SLC6A11: variants seen among roughly 807,000 people sequenced by gnomAD.
SLC6A11 encodes the protein solute carrier family 6 member 11.
SLC6A11 carries 25 observed loss-of-function variants against 74.8 expected under a neutral mutation model. The ratio of observed to expected loss-of-function variants is 0.33; its 90% confidence interval spans 0.24 to 0.47. The LOEUF (loss-of-function observed/expected upper bound fraction) is 0.47. Among genes scored for constraint, SLC6A11 ranks in the 20% least tolerant of loss-of-function variants. SLC6A11 has a pLI of 1.00. For missense variants in SLC6A11, 574 were observed against 837.0 expected (o/e 0.69, Z 3.88); for synonymous variants, 330 against 330.2 (o/e 1.00, Z 0.01).
At chr3:10,906,040 C>T (rs1341009641) in intron 6 of SLC6A11, among the ~76,000 whole-genome samples, 3 of 152,166 alleles carry the variant, frequency 2.0e-5, no homozygotes, top group African/African-American at 4.8e-5. Flanking sequence ...GAACATCTCA[C>T]TTGATGTCTC....
At chr3:10,827,700 GT>G (rs1694232738) in intron 4 of SLC6A11, among the ~76,000 whole-genome samples, 1 of 152,174 alleles carries the variant, frequency 6.6e-6, no homozygotes, top group Non-Finnish European at 1.5e-5. Context: ...TTTAGGGGAA[GT>G]AAAGATGGAA....
At chr3:10,874,658 G>A (rs80351164) in intron 5 of SLC6A11, among the ~76,000 whole-genome samples, 4,543 of 152,160 alleles carry the variant, frequency 0.03, 115 homozygotes, top group East Asian at 0.11. Flanking sequence ...TATACCTCCT[G>A]ATTAGTGATG....
chr3:10,918,384 G>T lies in SLC6A11; in HGVS notation c.1051G>T (p.Ala351Ser), dbSNP rs1485778766. ...CGGCACCAGCTTCGTGGCTGGGTTT[G>T]CCATCTTCTCAGTCCTGGGTTTTAT... Reference protein sequence around the residue: ...NSGTSFVAGFAIFSVLGFMAY... With the variant: ...NSGTSFVAGFSIFSVLGFMAY... The change falls in exon 8 of 14, where the codon GCC becomes TCC. Residue 351 changes from alanine to serine, a missense_variant. Ala to Ser is a moderately conservative substitution (Grantham distance 99, BLOSUM62 1). This residue lies in a region of SLC6A11 where 16 missense variants were observed against 50.1 expected (regional missense o/e 0.32). Transcript: ENST00000254488. This position sits in a 1 kb window ranked among gnomAD's most constrained non-coding sequence, Gnocchi z 4.5. 10 of 1,609,174 alleles carry T rather than the reference G, an allele frequency of 6.2e-6. No individual in the cohort carries two copies. The Admixed American group carries it at 1.2e-4, about 19-fold the overall frequency.
In SLC6A11 at chr3:10,898,915, TC is replaced by T. The variant is rs1695203475; in HGVS notation, c.892-13173del. Among the ~76,000 whole-genome samples, 15 of 152,314 alleles carry T rather than the reference TC, an allele frequency of 9.8e-5. No homozygotes were observed. The South Asian group carries it at 3.1e-3, about 32-fold the overall frequency. On this transcript the variant is annotated intron_variant, in intron 6 of 13. Transcript: ENST00000254488. Reference sequence around the variant, plus strand: ...AAAGAGGTTTATTGGACTTAACAGTTCCATGTAGCTGGGGAAGCCTCACAAT... The same window carrying T: ...AAAGAGGTTTATTGGACTTAACAGTTCATGTAGCTGGGGAAGCCTCACAAT...
At chr3:10,898,159 T>C (rs1485608716) in intron 6 of SLC6A11, among the ~76,000 whole-genome samples, 2 of 152,108 alleles carry the variant, frequency 1.3e-5, no homozygotes, top group Non-Finnish European at 2.9e-5. Flanking sequence ...GACACCATTT[T>C]CTCCTAGGCC....
At chr3:10,934,255 C>T (rs1695729010) in intron 12 of SLC6A11, 89 bp downstream of exon 12, 1 of 900,864 alleles carries the variant, frequency 1.1e-6, no homozygotes. Flanking sequence ...CCCACCCTGG[C>T]CGAGGCTGGA....
chr3:10,852,232 A>G (rs1250561726), intron 5 of SLC6A11, among the ~76,000 whole-genome samples: 1 of 152,222 alleles, frequency 6.6e-6, no homozygotes, highest in African/African-American at 2.4e-5. Context: ...AGGAAACTAG[A>G]ACGTTCATGA....
intron 5 of SLC6A11, among the ~76,000 whole-genome samples, chr3:10,869,280 C>A (rs139012780): frequency 6.6e-6 from 1 of 152,080 alleles, no homozygotes; most frequent in Non-Finnish European, 1.5e-5. Context: ...TCAGGGAGGA[C>A]GGGGCAATTC....
intron 4 of SLC6A11, among the ~76,000 whole-genome samples, chr3:10,827,171 A>G (rs569606543): frequency 2.0e-5 from 3 of 152,362 alleles, no homozygotes; most frequent in East Asian, 3.9e-4. Flanking sequence ...TTTGAGCCAC[A>G]TAAGTTTGAG....
At chr3:10,878,325 T>C (rs1460827962) in intron 6 of SLC6A11, among the ~76,000 whole-genome samples, 1 of 151,926 alleles carries the variant, frequency 6.6e-6, no homozygotes, top group African/African-American at 2.4e-5. Context: ...TCACATATGC[T>C]GTTTCTCTGC....
intron 5 of SLC6A11, among the ~76,000 whole-genome samples, chr3:10,862,924 G>A (rs1247084254): frequency 3.9e-5 from 6 of 152,242 alleles, no homozygotes; most frequent in Non-Finnish European, 7.3e-5. Context: ...AGGCTCAGTG[G>A]ATGGATATGA....
At chr3:10,885,001 G>A (rs997824829) in intron 6 of SLC6A11, among the ~76,000 whole-genome samples, 5 of 151,964 alleles carry the variant, frequency 3.3e-5, no homozygotes, top group South Asian at 2.1e-4. Flanking sequence ...GGCACAAGTC[G>A]GCCTCCTCCG....
chr3:10,816,593 C>T lies in SLC6A11; in HGVS notation c.256+72C>T. ...GGGGGCGGGGAGCCAGGGGCGAGCG[C>T]GAGACCCCCTCCCGCGCCTGCGTGG... On this transcript the variant is annotated intron_variant, in intron 1 of 13. Coordinates refer to ENST00000254488, the MANE Select transcript of SLC6A11 (RefSeq NM_014229.3). The surrounding 1 kb of genome is among the most constrained non-coding windows in gnomAD (Gnocchi z 4.2). The T allele has an allele frequency of 1.4e-6, 2 of 1,403,978 alleles. No individual in the cohort carries two copies. Among genetic ancestry groups the T allele is most frequent in the South Asian group, 1.5e-5 (1 of 66,734 alleles). 87.0% of individuals were successfully genotyped at this position (1,403,978 alleles called of 1,614,324 possible). A position where few individuals can be genotyped will look rare whatever the true frequency, so the allele number is the denominator to read the frequency against.
chr3:10,841,671 T>C (rs1435267784), intron 4 of SLC6A11, among the ~76,000 whole-genome samples: 2 of 152,196 alleles, frequency 1.3e-5, no homozygotes, highest in Non-Finnish European at 2.9e-5. Flanking sequence ...GCATCCACAT[T>C]GTAGAAGAGA....
At chr3:10,906,128 G>A (rs1381072206) in intron 6 of SLC6A11, among the ~76,000 whole-genome samples, 3 of 152,000 alleles carry the variant, frequency 2.0e-5, no homozygotes, top group Non-Finnish European at 4.4e-5. Context: ...GGATCATCTA[G>A]TGTTGCACCC....
intron 4 of SLC6A11, among the ~76,000 whole-genome samples, chr3:10,842,191 T>C (rs550783975): frequency 1.5e-3 from 235 of 152,332 alleles, no homozygotes; most frequent in African/African-American, 5.4e-3. Context: ...GATCCATGAC[T>C]TCCTCCCTCA....
At chr3:10,868,237 G>T (rs942187687) in intron 5 of SLC6A11, among the ~76,000 whole-genome samples, 1 of 152,102 alleles carries the variant, frequency 6.6e-6, no homozygotes, top group Non-Finnish European at 1.5e-5. Context: ...GCCCCACACT[G>T]CCCTGCTTTT....
At chr3:10,929,386 G>C in intron 10 of SLC6A11, 47 bp downstream of exon 10, 2 of 1,600,404 alleles carry the variant, frequency 1.2e-6, no homozygotes, top group Non-Finnish European at 1.7e-6. Flanking sequence ...GGTGTGTGAC[G>C]TCAACTCCCA....
In SLC6A11 at chr3:10,883,045, A is replaced by G. The variant is rs1353881422; in HGVS notation, c.891+7950A>G. On this transcript the variant is annotated intron_variant, in intron 6 of 13. Transcript: ENST00000254488. ...GGACGAGTCAGGGCCCCACAGCCCA[A>G]GGGGGCGGGGGGCGGGGAGGTGGGG... 1.0e-4 allele frequency among the ~76,000 whole-genome samples: 15 copies of G among 143,668 alleles called. No individual in the cohort carries two copies. In the East Asian group the frequency reaches 2.9e-3, roughly 28 times the overall value. The allele number at this position is 143,668 out of a possible 152,430, so 94.3% of individuals were successfully genotyped here.
Sources: allele counts gnomAD v4.1 joint callset (sites outside exome capture counted in the v4.1 genomes callset), GRCh38; gene constraint gnomAD v4.1.1; regional missense constraint gnomAD v4.1.1; non-coding constraint Gnocchi (gnomAD v3.1); transcripts MANE v1.5; gene names NCBI Gene and HGNC (gene_info 2026-07-23, HGNC 2026-07-21).